The following ANK2 variants were observed in gnomAD, a reference collection of about 807,000 sequenced individuals.
ANK2 encodes ankyrin 2.
ANK2 carries 83 observed loss-of-function variants against 360.5 expected under a neutral mutation model. The observed-to-expected ratio is 0.23, with a 90% CI of 0.19 to 0.28. ANK2 has a LOEUF of 0.28. Ranked by LOEUF, ANK2 falls within the 10% of genes least tolerant of loss-of-function variation. ANK2 has a pLI of 1.00. For missense variants in ANK2, 4,201 were observed against 4,795.7 expected (o/e 0.88, Z 3.66); for synonymous variants, 1,740 against 1,759.5 (o/e 0.99, Z 0.28).
Position 112,853,280 on chromosome 4 carries a change from G to A in ANK2, c.-40+35016G>A, listed in dbSNP as rs139956019. Among the ~76,000 whole-genome samples the A allele has an allele frequency of 7.0e-3, 1,064 of 152,188 alleles. 11 individuals carry two copies. Among genetic ancestry groups the A allele is most frequent in the Middle Eastern group, 0.027 (8 of 294 alleles). On this transcript the variant is annotated intron_variant, in intron 1 of 30. Coordinates refer to the ANK2 transcript ENST00000503271. ...GATGGGGTTTCACTATGTTGGCCAG[G>A]ATGGTCTCGATCTCCTGACCTCTTG... is the stretch of plus-strand genomic sequence containing the variant.
chr4:113,310,849 T>C (rs376099048), intron 23 of ANK2, among the ~76,000 whole-genome samples: 1 of 152,218 alleles, frequency 6.6e-6, no homozygotes, highest in African/African-American at 2.4e-5. Flanking sequence ...TAAGAATAGA[T>C]GTAGTCTCCT....
At chr4:112,863,175 T>C (rs1212019085) in intron 1 of ANK2, among the ~76,000 whole-genome samples, 1 of 152,166 alleles carries the variant, frequency 6.6e-6, no homozygotes. Flanking sequence ...ATTTAAGTTA[T>C]AGTCAGTGTG....
chr4:113,176,033 A>G (rs1280644022), intron 2 of ANK2, among the ~76,000 whole-genome samples: 1 of 152,190 alleles, frequency 6.6e-6, no homozygotes, highest in Admixed American at 6.5e-5. Flanking sequence ...AGCAACCTTG[A>G]GGGATTAGGC....
At chr4:113,207,991 T>C (rs2098974491) in intron 4 of ANK2, among the ~76,000 whole-genome samples, 2 of 152,056 alleles carry the variant, frequency 1.3e-5, no homozygotes, top group South Asian at 4.1e-4. Flanking sequence ...CTAAAAGAAA[T>C]GGGCTATCTG....
At chr4:112,993,908 A>G (rs1213974245) in intron 2 of ANK2, among the ~76,000 whole-genome samples, 2 of 151,990 alleles carry the variant, frequency 1.3e-5, no homozygotes, top group African/African-American at 4.8e-5. Context: ...GGGTTTCCCC[A>G]TCTTGGCCAG....
the ANK2 span, among the ~76,000 whole-genome samples, chr4:112,749,892 C>G: frequency 6.6e-6 from 1 of 151,852 alleles, no homozygotes; most frequent in African/African-American, 2.4e-5. Flanking sequence ...ATTACAGGCG[C>G]CCACCACCAC....
chr4:112,725,357 CTTTTTTTTTT>C, the ANK2 span, among the ~76,000 whole-genome samples: 1 of 73,594 alleles, frequency 1.4e-5, no homozygotes, highest in Admixed American at 2.3e-4. Flanking sequence ...AAGACACAGT[CTTTTTTTTTT>C]TTTTTTTTTT....
At chr4:112,779,074 T>C in the ANK2 span, among the ~76,000 whole-genome samples, 1 of 152,172 alleles carries the variant, frequency 6.6e-6, no homozygotes, top group Non-Finnish European at 1.5e-5. Context: ...CATCATTCAG[T>C]TTGAGCGATC....
intron 5 of ANK2, among the ~76,000 whole-genome samples, chr4:113,233,764 G>A (rs2099349287): frequency 6.6e-6 from 1 of 151,972 alleles, no homozygotes; most frequent in Non-Finnish European, 1.5e-5. Context: ...ATGAGACCAT[G>A]TTTCCTACCT....
At chr4:113,284,236 G>A (rs1260501565) in intron 18 of ANK2, among the ~76,000 whole-genome samples, 6 of 152,306 alleles carry the variant, frequency 3.9e-5, no homozygotes, top group Admixed American at 6.5e-5. Context: ...GACTGTTGAC[G>A]TCATGTCATT....
At chr4:113,167,301 AC>A (rs2097781198) in intron 1 of ANK2, among the ~76,000 whole-genome samples, 1 of 146,730 alleles carries the variant, frequency 6.8e-6, no homozygotes, top group Non-Finnish European at 1.5e-5. Flanking sequence ...AACTAGGGTC[AC>A]CTTTTTTTTT....
chr4:112,734,098 GGT>G, the ANK2 span, among the ~76,000 whole-genome samples: 1 of 151,810 alleles, frequency 6.6e-6, no homozygotes, highest in Non-Finnish European at 1.5e-5. Context: ...TATATGATGT[GGT>G]GTGTGTGTGT....
chr4:112,953,003 C>T (rs993363124), intron 2 of ANK2, among the ~76,000 whole-genome samples: 3 of 152,120 alleles, frequency 2.0e-5, no homozygotes, highest in Non-Finnish European at 4.4e-5. Context: ...CAGGATATGC[C>T]AAGCACTATT....
chr4:112,997,525 C>T (rs1407699578), intron 2 of ANK2, among the ~76,000 whole-genome samples: 2 of 152,080 alleles, frequency 1.3e-5, no homozygotes, highest in Non-Finnish European at 2.9e-5. Flanking sequence ...TCCACAAAAT[C>T]CCTTTTGTGT....
chr4:113,080,190 T>A (rs902091111), intron 1 of ANK2, among the ~76,000 whole-genome samples: 1 of 152,182 alleles, frequency 6.6e-6, no homozygotes. Flanking sequence ...TCAGTCGCCA[T>A]GCCCTGCCCA....
At chr4:112,798,595 G>A in the ANK2 span, 1 of 152,266 alleles carries the variant, frequency 6.6e-6, no homozygotes, top group Non-Finnish European at 1.5e-5. Context: ...CACAGTTATG[G>A]ATTTTCTATG....
intron 2 of ANK2, among the ~76,000 whole-genome samples, chr4:113,020,120 T>C (rs769299687): frequency 3.3e-5 from 5 of 152,224 alleles, no homozygotes; most frequent in Non-Finnish European, 5.9e-5. Context: ...TATTTTTTAA[T>C]GTAAATGTTT....
chr4:112,814,634 G>C (rs1416954737), upstream of ANK2, among the ~76,000 whole-genome samples: 1 of 151,992 alleles, frequency 6.6e-6, no homozygotes, highest in African/African-American at 2.4e-5. Context: ...TTTTTTTAGG[G>C]ATGGGGTTTC....
intron 13 of ANK2, among the ~76,000 whole-genome samples, chr4:113,264,101 T>C (rs2054563117): frequency 6.6e-6 from 1 of 152,210 alleles, no homozygotes; most frequent in African/African-American, 2.4e-5. Flanking sequence ...CTCTCTCAAA[T>C]AACTGTCTAT....
Sources: allele counts gnomAD v4.1 joint callset (sites outside exome capture counted in the v4.1 genomes callset), GRCh38; gene constraint gnomAD v4.1.1; transcripts MANE v1.5; gene names NCBI Gene and HGNC (gene_info 2026-07-23, HGNC 2026-07-21).